The following MAPKAPK5 variants were observed in gnomAD, a reference collection of about 807,000 sequenced individuals.
The protein encoded by MAPKAPK5 is MAPK activated protein kinase 5, also known as MAP kinase-activated protein kinase 5.
Under a neutral mutation model 65.1 loss-of-function variants are expected in MAPKAPK5, and 30 were observed. The ratio of observed to expected loss-of-function variants is 0.46; its 90% CI spans 0.34 to 0.63. The LOEUF (loss-of-function observed/expected upper bound fraction) is 0.63. Ranked by LOEUF, MAPKAPK5 falls within the 20% of genes least tolerant of loss-of-function variation. MAPKAPK5 has a pLI of 0.01. For synonymous variants in MAPKAPK5, 179 were observed against 204.6 expected, an observed-to-expected ratio of 0.87 and a Z score of 1.07; for missense variants, 433 against 581.4, an observed-to-expected ratio of 0.74 and a Z score of 2.63.
intron 13 of MAPKAPK5, 86 bp downstream of exon 13, chr12:111,890,230 T>C (rs2070556763): frequency 1.9e-6 from 2 of 1,028,876 alleles, no homozygotes; most frequent in South Asian, 2.8e-5. Flanking sequence ...GGGCCTGAGC[T>C]GCGGCTGTTT....
intron 13 of MAPKAPK5, among the ~76,000 whole-genome samples, chr12:111,891,382 G>A (rs940918702): frequency 1.3e-5 from 2 of 151,668 alleles, no homozygotes; most frequent in Non-Finnish European, 2.9e-5. Flanking sequence ...GATTACAGGT[G>A]TGAGCCACTG....
chr12:111,901,542 C>G lies in MAPKAPK5; in HGVS notation c.*8481C>G. Reference sequence around the variant, plus strand: ...TATTTGATCTGCTTGCTTAAAAAATCACCAGAGGCTGCCCCGGCAGAAGCT... The same window carrying G: ...TATTTGATCTGCTTGCTTAAAAAATGACCAGAGGCTGCCCCGGCAGAAGCT... On this transcript the variant is annotated 3_prime_UTR_variant, in exon 14 of 14. Transcript: ENST00000550735. The G allele has an allele frequency of 2.9e-6, 1 of 349,458 alleles. No homozygotes were observed. Among genetic ancestry groups the G allele is most frequent in the Non-Finnish European group, 5.6e-6 (1 of 177,204 alleles). 21.6% of individuals were successfully genotyped at this position (349,458 alleles called of 1,614,324 possible). A position where few individuals can be genotyped will look rare whatever the true frequency, so the allele number is the denominator to read the frequency against.
At chr12:111,843,622 C>CATCT (rs1305346308) in intron 1 of MAPKAPK5, among the ~76,000 whole-genome samples, 2 of 152,120 alleles carry the variant, frequency 1.3e-5, no homozygotes, top group African/African-American at 2.4e-5. Context: ...GAAGGACAGG[C>CATCT]ATCTATTGGC....
At chr12:111,876,257 T>G (rs1489517175) in intron 7 of MAPKAPK5, among the ~76,000 whole-genome samples, 1 of 151,586 alleles carries the variant, frequency 6.6e-6, no homozygotes, top group East Asian at 1.9e-4. Context: ...TTTGACACTT[T>G]CCAGCTTTCT....
intron 7 of MAPKAPK5, among the ~76,000 whole-genome samples, chr12:111,877,783 C>T (rs1331448888): frequency 6.6e-6 from 1 of 152,070 alleles, no homozygotes; most frequent in Non-Finnish European, 1.5e-5. Context: ...TGGGCTCAAG[C>T]GATCCTCCCA....
At chr12:111,856,151 A>G (rs1355119239) in intron 1 of MAPKAPK5, among the ~76,000 whole-genome samples, 1 of 151,960 alleles carries the variant, frequency 6.6e-6, no homozygotes, top group Non-Finnish European at 1.5e-5. Context: ...CACTGTGTCC[A>G]GTCGTGTTGT....
chr12:111,863,411 TCCAAG>T (rs2069506291), intron 1 of MAPKAPK5, among the ~76,000 whole-genome samples: 1 of 152,146 alleles, frequency 6.6e-6, no homozygotes, highest in Admixed American at 6.5e-5. Flanking sequence ...ATGAAGACTT[TCCAAG>T]CCTGGCACAT....
In MAPKAPK5 at chr12:111,849,348, C is replaced by T. The variant is rs558444959; in HGVS notation, c.36+6579C>T. Among the ~76,000 whole-genome samples, 161 of 151,106 alleles carry T rather than the reference C, an allele frequency of 1.1e-3. 1 individual carries two copies. Among genetic ancestry groups the T allele is most frequent in the African/African-American group, 3.3e-3 (134 of 41,130 alleles). On this transcript the variant is annotated intron_variant, in intron 1 of 13. Coordinates refer to ENST00000550735, the MANE Select transcript of MAPKAPK5 (RefSeq NM_003668.4). ...TTGGCTCACTGCAACCTCCACCTCC[C>T]GGGTTCAAGTGATTCTCCTGCCTCA... is the stretch of plus-strand genomic sequence containing the variant.
chr12:111,869,963 A>G (rs2069730504), intron 5 of MAPKAPK5, among the ~76,000 whole-genome samples: 1 of 152,218 alleles, frequency 6.6e-6, no homozygotes, highest in Admixed American at 6.5e-5. Context: ...CATACCTCAG[A>G]TGAATGAAAG....
Position 111,901,107 on chromosome 12 carries a change from G to A in MAPKAPK5, c.*8046G>A, listed in dbSNP as rs1464494916. On this transcript the variant is annotated 3_prime_UTR_variant, in exon 14 of 14. Coordinates refer to ENST00000550735, the MANE Select transcript of MAPKAPK5 (RefSeq NM_003668.4). ...ACATACAATGATTCAGGTCCCTCAG[G>A]GAGATGGCTCATGTTGGAGCATGGA... 2.2e-6 allele frequency: 1 copy of A among 456,062 alleles called. No individual in the cohort carries two copies. Among genetic ancestry groups the A allele is most frequent in the Non-Finnish European group, 4.4e-6 (1 of 226,800 alleles). 28.3% of individuals were successfully genotyped at this position (456,062 alleles called of 1,614,324 possible).
chr12:111,892,023 C>T (rs1014618827), intron 13 of MAPKAPK5, among the ~76,000 whole-genome samples: 1 of 152,058 alleles, frequency 6.6e-6, no homozygotes, highest in Non-Finnish European at 1.5e-5. Context: ...CCTAAGTTTG[C>T]CTGGTTTTGT....
intron 7 of MAPKAPK5, among the ~76,000 whole-genome samples, chr12:111,874,634 T>C (rs1436695258): frequency 6.8e-6 from 1 of 146,748 alleles, no homozygotes; most frequent in Non-Finnish European, 1.5e-5. Context: ...GGCTAATTTT[T>C]ATATTTTTAG....
chr12:111,871,775 A>G (rs886283742), intron 7 of MAPKAPK5, among the ~76,000 whole-genome samples: 1 of 152,236 alleles, frequency 6.6e-6, no homozygotes, highest in Non-Finnish European at 1.5e-5. Context: ...TATGGCGACC[A>G]CCACATTGAA....
chr12:111,881,429 G>C (rs1182782811), intron 8 of MAPKAPK5, among the ~76,000 whole-genome samples: 6 of 93,842 alleles, frequency 6.4e-5, no homozygotes, highest in African/African-American at 3.0e-4. Context: ...TTTTGAGACA[G>C]AGTCTTACCC....
At position 111,900,336 on chromosome 12, in the gene MAPKAPK5, CTGT is replaced by C. The variant is rs1250460728; in HGVS notation, c.*7280_*7282del. On this transcript the variant is annotated 3_prime_UTR_variant, in exon 14 of 14. Coordinates refer to ENST00000550735, the MANE Select transcript of MAPKAPK5 (RefSeq NM_003668.4). ...TGAATCCTTCCATCATGAAGATGTGCTGTTGTTTGCAGCCCTGATGGCCCATGA... is the reference window on the plus strand; with the variant it reads ...TGAATCCTTCCATCATGAAGATGTGCTGTTTGCAGCCCTGATGGCCCATGA... 4.4e-6 allele frequency: 2 copies of C among 456,098 alleles called. No individual in the cohort carries two copies. The highest frequency in any genetic ancestry group is 1.5e-5 in the South Asian group (1 of 64,566). The allele number at this position is 456,098 out of a possible 1,614,324, so 28.3% of individuals were successfully genotyped here.
chr12:111,885,739 G>T (rs1465659929), intron 9 of MAPKAPK5, 177 bp from the exon 10 acceptor site: 42 of 656,672 alleles, frequency 6.4e-5, no homozygotes, highest in Non-Finnish European at 8.4e-5. Flanking sequence ...ACTGCCTCAA[G>T]CCATAGTACC....
intron 1 of MAPKAPK5, among the ~76,000 whole-genome samples, chr12:111,850,793 C>G (rs142059159): frequency 1.3e-5 from 2 of 152,168 alleles, no homozygotes. Context: ...CAGGACTACC[C>G]TGGTCTATAA....
chr12:111,865,378 G>C, intron 2 of MAPKAPK5, 55 bp downstream of exon 2: 1 of 1,229,136 alleles, frequency 8.1e-7, no homozygotes, highest in East Asian at 2.5e-5. Context: ...CAAACTCTGA[G>C]AAGGGCCATT....
At chr12:111,874,473 T>G (rs1347234176) in intron 7 of MAPKAPK5, among the ~76,000 whole-genome samples, 1 of 149,176 alleles carries the variant, frequency 6.7e-6, no homozygotes, top group Non-Finnish European at 1.5e-5. Context: ...GTTTTGGGTT[T>G]TTTTTTTTTT....
Sources: allele counts gnomAD v4.1 joint callset (sites outside exome capture counted in the v4.1 genomes callset), GRCh38; gene constraint gnomAD v4.1.1; transcripts MANE v1.5; gene names NCBI Gene and HGNC (gene_info 2026-07-23, HGNC 2026-07-21).